NKAIN3: variants seen among roughly 807,000 people sequenced by gnomAD.
NKAIN3 encodes the protein sodium/potassium transporting ATPase interacting 3.
NKAIN3 carries 25 observed loss-of-function variants against 30.2 expected under a neutral mutation model. The observed-to-expected ratio is 0.83, with a 90% CI of 0.60 to 1.16. NKAIN3 has a LOEUF of 1.16. Ranked by LOEUF, NKAIN3 falls within the 50% of genes most tolerant of loss-of-function variation. The probability of loss-of-function intolerance (pLI) is 0.00; values close to 1 mark genes in which losing one functional copy is unlikely to be tolerated. For missense variants in NKAIN3, 225 were observed against 254.1 expected (o/e 0.89, Z 0.78); for synonymous variants, 91 against 89.6 (o/e 1.02, Z -0.09).
At chr8:62,432,554 C>T (rs558058476) in intron 1 of NKAIN3, among the ~76,000 whole-genome samples, 13 of 152,088 alleles carry the variant, frequency 8.5e-5, no homozygotes, top group African/African-American at 3.1e-4. Flanking sequence ...TATTTGATGT[C>T]TGTCATAATA....
chr8:62,680,683 A>G (rs1223072081), intron 3 of NKAIN3, among the ~76,000 whole-genome samples: 1 of 152,104 alleles, frequency 6.6e-6, no homozygotes, highest in Non-Finnish European at 1.5e-5. Flanking sequence ...AAATTCAGTA[A>G]AGAAAAATGT....
chr8:62,313,788 A>G (rs1053225510), intron 1 of NKAIN3, among the ~76,000 whole-genome samples: 3 of 152,186 alleles, frequency 2.0e-5, no homozygotes, highest in African/African-American at 7.2e-5. Flanking sequence ...AACTGTTCAC[A>G]AGGCACTAAG....
chr8:62,905,582 C>A (rs1821750690), intron 4 of NKAIN3, among the ~76,000 whole-genome samples: 1 of 152,138 alleles, frequency 6.6e-6, no homozygotes, highest in South Asian at 2.1e-4. Flanking sequence ...ATTCTATTTT[C>A]TCTTGAACCT....
At chr8:62,395,058 C>T (rs1290175924) in intron 1 of NKAIN3, among the ~76,000 whole-genome samples, 3 of 147,988 alleles carry the variant, frequency 2.0e-5, no homozygotes, top group Admixed American at 6.7e-5. Flanking sequence ...ACTTCCCAGA[C>T]GGTGGGTCGG....
At chr8:62,762,934 C>A (rs2084391311) in intron 4 of NKAIN3, among the ~76,000 whole-genome samples, 1 of 151,654 alleles carries the variant, frequency 6.6e-6, no homozygotes, top group Non-Finnish European at 1.5e-5. Flanking sequence ...TATCAAACAA[C>A]TTATATAGGC....
intron 4 of NKAIN3, among the ~76,000 whole-genome samples, chr8:62,787,409 G>T (rs1817556631): frequency 6.6e-6 from 1 of 152,028 alleles, no homozygotes; most frequent in Non-Finnish European, 1.5e-5. Context: ...CAGAGAAAAA[G>T]AACAAAACCT....
intron 1 of NKAIN3, among the ~76,000 whole-genome samples, chr8:62,527,881 TGG>T: frequency 1.4e-5 from 1 of 69,998 alleles, no homozygotes; most frequent in Non-Finnish European, 3.5e-5. Context: ...TACTTTTTTT[TGG>T]TGTGTGTGTG....
At chr8:62,895,838 T>G (rs1032988880) in intron 4 of NKAIN3, among the ~76,000 whole-genome samples, 4 of 152,152 alleles carry the variant, frequency 2.6e-5, no homozygotes, top group African/African-American at 9.6e-5. Context: ...CAACTCCAGC[T>G]AACTCCCTGG....
intron 1 of NKAIN3, among the ~76,000 whole-genome samples, chr8:62,286,565 A>C (rs773817845): frequency 6.6e-6 from 1 of 152,202 alleles, no homozygotes; most frequent in Admixed American, 6.6e-5. Context: ...ATAGGTTTCT[A>C]TTAAACCATC....
At chr8:62,690,719 C>T (rs754409617) in intron 3 of NKAIN3, among the ~76,000 whole-genome samples, 1 of 152,320 alleles carries the variant, frequency 6.6e-6, no homozygotes, top group East Asian at 1.9e-4. Flanking sequence ...GACAGCTGCA[C>T]ACATGCCACA....
At chr8:62,433,419 A>G (rs1018285031) in intron 1 of NKAIN3, among the ~76,000 whole-genome samples, 6 of 152,178 alleles carry the variant, frequency 3.9e-5, no homozygotes, top group African/African-American at 1.4e-4. Flanking sequence ...CTCAAGTATC[A>G]GTTTCTTAAA....
chr8:62,836,724 T>G (rs1439135898), intron 4 of NKAIN3, among the ~76,000 whole-genome samples: 1 of 152,048 alleles, frequency 6.6e-6, no homozygotes, highest in Non-Finnish European at 1.5e-5. Context: ...ATCATCCTGT[T>G]ATGCTTTGGC....
chr8:62,453,872 G>T (rs1164623605), intron 1 of NKAIN3, among the ~76,000 whole-genome samples: 2 of 151,936 alleles, frequency 1.3e-5, no homozygotes, highest in African/African-American at 2.4e-5. Context: ...TTCTGAAATG[G>T]AATAAAAATT....
At chr8:62,677,039 T>C (rs1391897927) in intron 3 of NKAIN3, among the ~76,000 whole-genome samples, 1 of 152,164 alleles carries the variant, frequency 6.6e-6, no homozygotes, top group Non-Finnish European at 1.5e-5. Flanking sequence ...TTTTTAAGTA[T>C]GATGCATAAG....
At chr8:62,365,660 A>G (rs191496691) in intron 1 of NKAIN3, among the ~76,000 whole-genome samples, 231 of 152,324 alleles carry the variant, frequency 1.5e-3, no homozygotes, top group Middle Eastern at 6.8e-3. Flanking sequence ...GCTAAATCAT[A>G]GCATTTGTGC....
At chr8:62,279,612 AC>A (rs1325139822) in intron 1 of NKAIN3, among the ~76,000 whole-genome samples, 2 of 152,192 alleles carry the variant, frequency 1.3e-5, no homozygotes, top group African/African-American at 4.8e-5. Context: ...TTTTCCCAGC[AC>A]CATTTATTAA....
intron 4 of NKAIN3, among the ~76,000 whole-genome samples, chr8:62,795,768 A>G (rs1215231387): frequency 2.0e-5 from 3 of 152,198 alleles, no homozygotes; most frequent in Non-Finnish European, 4.4e-5. Flanking sequence ...AAATTACCTG[A>G]AGGATCCTTA....
intron 4 of NKAIN3, among the ~76,000 whole-genome samples, chr8:62,808,673 G>A (rs899530110): frequency 6.6e-6 from 1 of 152,110 alleles, no homozygotes; most frequent in Non-Finnish European, 1.5e-5. Context: ...GGGAGGGAGT[G>A]TATGAATAGA....
At chr8:62,499,658 G>C (rs140072426) in intron 1 of NKAIN3, among the ~76,000 whole-genome samples, 1 of 152,076 alleles carries the variant, frequency 6.6e-6, no homozygotes. Context: ...CTTTAATTAA[G>C]GTTAGTTAGT....
Sources: gnomAD v4.1 joint callset for allele counts (sites outside exome capture counted in the v4.1 genomes callset) on GRCh38, gnomAD v4.1.1 for gene constraint, MANE v1.5 for transcripts, NCBI Gene and HGNC (gene_info 2026-07-23, HGNC 2026-07-21) for gene names.